SDK1: variants seen among roughly 807,000 people sequenced by gnomAD.
SDK1 encodes the protein sidekick cell adhesion molecule 1, also known as protein sidekick-1.
In SDK1, 157 loss-of-function variants were observed where a neutral mutation model predicts 245.5. The ratio of observed to expected loss-of-function variants is 0.64; its 90% confidence interval spans 0.56 to 0.73. The LOEUF (loss-of-function observed/expected upper bound fraction) is 0.73. Ranked by LOEUF, SDK1 falls within the 30% of genes least tolerant of loss-of-function variation. SDK1 has a pLI of 0.00. For synonymous variants in SDK1, 1,647 were observed against 1,278.5 expected (o/e 1.29, Z -6.15); for missense variants, 3,583 against 3,002.3 (o/e 1.19, Z -4.52).
intron 1 of SDK1, among the ~76,000 whole-genome samples, chr7:3,379,013 C>T (rs1238093754): frequency 1.3e-5 from 2 of 152,108 alleles, no homozygotes; most frequent in East Asian, 3.9e-4. Context: ...ATTACTTGGC[C>T]AATTATCTAT....
intron 4 of SDK1, among the ~76,000 whole-genome samples, chr7:3,814,434 G>A (rs58592889): frequency 0.015 from 2,299 of 151,218 alleles, 64 homozygotes; most frequent in African/African-American, 0.053. Flanking sequence ...GGTATGCGGC[G>A]TTATTTCTGA....
rs561490881 is a variant in SDK1 at position 3,779,517 on chromosome 7, G to A, written c.714-41933G>A. Among the ~76,000 whole-genome samples the A allele has an allele frequency of 7.9e-5, 12 of 151,164 alleles. No homozygotes were observed. The South Asian group carries it at 2.5e-3, about 32-fold the overall frequency. ...TCTGACCTGTTTATATTTAAACATC[G>A]GTGATTGGAAAACCGTTTTCATATT... On this transcript the variant is annotated intron_variant, in intron 4 of 44. Transcript: ENST00000404826.
At chr7:3,505,773 A>C (rs1402402392) in intron 1 of SDK1, among the ~76,000 whole-genome samples, 1 of 152,166 alleles carries the variant, frequency 6.6e-6, no homozygotes, top group Non-Finnish European at 1.5e-5. Flanking sequence ...GATGTGGAGA[A>C]CTGACCTTTT....
In SDK1 at chr7:3,773,429, C is replaced by G. The variant is rs114343804; in HGVS notation, c.714-48021C>G. ...TCTTTATTTATATTTCCATTTTGTT[C>G]AAACGTTGTTTTCTTGGCTTTCTCC... On this transcript the variant is annotated intron_variant, in intron 4 of 44. Transcript: ENST00000404826. 5.6e-3 allele frequency among the ~76,000 whole-genome samples: 849 copies of G among 151,914 alleles called. 8 individuals carry two copies. The highest frequency in any genetic ancestry group is 0.02 in the African/African-American group (816 of 41,438).
Position 4,139,519 on chromosome 7 carries a change from G to GTA in SDK1, c.4229-6202_4229-6201insAT, listed in dbSNP as rs1562871629. On this transcript the variant is annotated intron_variant, in intron 28 of 44. Coordinates refer to ENST00000404826, the MANE Select transcript of SDK1 (RefSeq NM_152744.4). ...TGTGTGTGTGTATATGTATATATGTGTGTGTATGTGTGTGTGTATATATGT... is the reference window on the plus strand; with the variant it reads ...TGTGTGTGTGTATATGTATATATGTGTATGTGTATGTGTGTGTGTATATATGT... Among the ~76,000 whole-genome samples, 9 of 33,312 alleles carry GTA rather than the reference G, an allele frequency of 2.7e-4. 2 individuals are homozygous for GTA. The highest frequency in any genetic ancestry group is 6.4e-3 in the East Asian group (2 of 314). 21.9% of individuals were successfully genotyped at this position (33,312 alleles called of 152,430 possible). A position where few individuals can be genotyped will look rare whatever the true frequency, so the allele number is the denominator to read the frequency against.
chr7:3,518,350 A>G (rs986034408), intron 1 of SDK1, among the ~76,000 whole-genome samples: 1 of 152,166 alleles, frequency 6.6e-6, no homozygotes, highest in Non-Finnish European at 1.5e-5. Flanking sequence ...GATTATTTCA[A>G]ACTCAAAAGC....
At chr7:3,395,477 C>T (rs1031887194) in intron 1 of SDK1, among the ~76,000 whole-genome samples, 1 of 151,558 alleles carries the variant, frequency 6.6e-6, no homozygotes, top group Non-Finnish European at 1.5e-5. Flanking sequence ...TTATTGCATC[C>T]CATAATGAGT....
chr7:3,926,364 T>C (rs1361047230), intron 5 of SDK1, among the ~76,000 whole-genome samples: 2 of 152,232 alleles, frequency 1.3e-5, no homozygotes, highest in Non-Finnish European at 2.9e-5. Context: ...CAACATACCT[T>C]GAGTCTGTTA....
In SDK1 at chr7:4,264,581, T is replaced by G. The variant is rs1488410820; in HGVS notation, c.6382-543T>G. 4.1e-4 allele frequency among the ~76,000 whole-genome samples: 41 copies of G among 99,650 alleles called. 4 individuals are homozygous for G. Among genetic ancestry groups the G allele is most frequent in the South Asian group, 6.2e-4 (2 of 3,214 alleles). The allele number at this position is 99,650 out of a possible 152,430, so 65.4% of individuals were successfully genotyped here. A position where few individuals can be genotyped will look rare whatever the true frequency, so the allele number is the denominator to read the frequency against. On this transcript the variant is annotated intron_variant, in intron 44 of 44. Transcript: ENST00000404826. ...GGAGGCCGCGTGGACCTCTCCTGAG[T>G]GGGGAGGCCGCGTGGACCTCTCCTG...
chr7:3,715,368 A>T (rs1445859905), intron 4 of SDK1, among the ~76,000 whole-genome samples: 1 of 152,212 alleles, frequency 6.6e-6, no homozygotes, highest in African/African-American at 2.4e-5. Flanking sequence ...GGGAGAAGGT[A>T]GGCTACGTAG....
At chr7:3,582,135 T>C (rs1305243580) in intron 1 of SDK1, among the ~76,000 whole-genome samples, 9 of 140,270 alleles carry the variant, frequency 6.4e-5, no homozygotes, top group African/African-American at 1.6e-4. Flanking sequence ...CTCAGGTAGG[T>C]CTCCCTCAGG....
intron 4 of SDK1, among the ~76,000 whole-genome samples, chr7:3,796,374 C>T (rs1778960350): frequency 6.6e-6 from 1 of 152,224 alleles, no homozygotes; most frequent in African/African-American, 2.4e-5. Flanking sequence ...AGGTAAAGGG[C>T]ATAGCAGTGG....
At chr7:3,625,805 TAGG>T (rs1279026460) in intron 2 of SDK1, among the ~76,000 whole-genome samples, 2 of 151,470 alleles carry the variant, frequency 1.3e-5, no homozygotes, top group Admixed American at 6.6e-5. Context: ...AAGCAAGAAA[TAGG>T]AGGCATGGGT....
At chr7:3,502,145 C>G (rs1782236088) in intron 1 of SDK1, among the ~76,000 whole-genome samples, 1 of 151,954 alleles carries the variant, frequency 6.6e-6, no homozygotes, top group African/African-American at 2.4e-5. Flanking sequence ...CAGGTGTACA[C>G]AAGGATTATT....
At chr7:4,069,744 C>T (rs951558445) in intron 20 of SDK1, among the ~76,000 whole-genome samples, 2 of 152,224 alleles carry the variant, frequency 1.3e-5, no homozygotes, top group African/African-American at 2.4e-5. Flanking sequence ...TGGATGACAG[C>T]GGCAATGATG....
At chr7:3,407,678 T>A (rs1779089247) in intron 1 of SDK1, among the ~76,000 whole-genome samples, 1 of 152,248 alleles carries the variant, frequency 6.6e-6, no homozygotes, top group Non-Finnish European at 1.5e-5. Flanking sequence ...CTGGATACTA[T>A]AAATTGAAGA....
intron 1 of SDK1, among the ~76,000 whole-genome samples, chr7:3,421,743 A>G (rs1241699311): frequency 6.6e-6 from 1 of 152,200 alleles, no homozygotes; most frequent in African/African-American, 2.4e-5. Flanking sequence ...TGTTATGTCA[A>G]AAGTCATAAC....
At chr7:3,674,194 C>T (rs1379404222) in intron 4 of SDK1, among the ~76,000 whole-genome samples, 1 of 152,102 alleles carries the variant, frequency 6.6e-6, no homozygotes, top group Non-Finnish European at 1.5e-5. Flanking sequence ...AAGACAGCAT[C>T]AGAAATTGAC....
At chr7:4,207,239 G>C (rs898727788) in intron 36 of SDK1, among the ~76,000 whole-genome samples, 4 of 152,202 alleles carry the variant, frequency 2.6e-5, no homozygotes, top group African/African-American at 4.8e-5. Context: ...CGAAGCCTCC[G>C]TGCTGCCTTT....
Sources: allele counts gnomAD v4.1 joint callset (sites outside exome capture counted in the v4.1 genomes callset), GRCh38; gene constraint gnomAD v4.1.1; transcripts MANE v1.5; gene names NCBI Gene and HGNC (gene_info 2026-07-23, HGNC 2026-07-21).